The following NKAIN2 variants were observed in gnomAD, a reference collection of about 807,000 sequenced individuals.
NKAIN2 encodes the protein sodium/potassium transporting ATPase interacting 2, also known as sodium/potassium-transporting ATPase subunit beta-1-interacting protein 2.
A neutral mutation model predicts 32.6 loss-of-function variants in NKAIN2; 14 were observed. That is an observed-to-expected ratio of 0.43 (90% CI 0.28 to 0.67). NKAIN2 has a LOEUF of 0.67. NKAIN2 is among the 30% of genes least tolerant of loss of function. The pLI, the probability that NKAIN2 is intolerant of heterozygous loss-of-function variation, is 0.17. For missense variants in NKAIN2, 198 were observed against 258.3 expected, an observed-to-expected ratio of 0.77 and a Z score of 1.60; for synonymous variants, 80 against 87.2, an observed-to-expected ratio of 0.92 and a Z score of 0.46.
intron 2 of NKAIN2, among the ~76,000 whole-genome samples, chr6:124,331,560 T>C (rs1050204738): frequency 9.3e-5 from 14 of 150,776 alleles, no homozygotes; most frequent in African/African-American, 3.2e-4. Context: ...ATCATTTCCC[T>C]GTGAAGATGA....
chr6:124,525,918 C>T (rs1375806530), intron 3 of NKAIN2, among the ~76,000 whole-genome samples: 1 of 152,104 alleles, frequency 6.6e-6, no homozygotes, highest in Non-Finnish European at 1.5e-5. Flanking sequence ...ACTTACCAAG[C>T]TTCATATCAG....
At chr6:124,421,381 A>T (rs939857905) in intron 3 of NKAIN2, among the ~76,000 whole-genome samples, 3 of 152,282 alleles carry the variant, frequency 2.0e-5, no homozygotes, top group Middle Eastern at 3.4e-3. Context: ...ACACGTGGAG[A>T]TGACGTCTCA....
At chr6:124,379,132 A>AGAGGG (rs1175186223) in intron 3 of NKAIN2, among the ~76,000 whole-genome samples, 515 of 42,604 alleles carry the variant, frequency 0.012, 8 homozygotes, top group Non-Finnish European at 0.015. Context: ...GGAGGGGAGG[A>AGAGGG]GAGGGGAGGG....
Position 124,016,771 on chromosome 6 carries a change from AT to A in NKAIN2, c.54+212527del, listed in dbSNP as rs1016005108. Among the ~76,000 whole-genome samples the A allele has an allele frequency of 2.5e-3, 378 of 150,392 alleles. 1 individual carries two copies. Among genetic ancestry groups the A allele is most frequent in the Middle Eastern group, 6.8e-3 (2 of 294 alleles). On this transcript the variant is annotated intron_variant, in intron 1 of 6. Coordinates refer to ENST00000368417, the MANE Select transcript of NKAIN2 (RefSeq NM_001040214.3). Reference sequence around the variant, plus strand: ...TAACAGCTGTGTGAGGTTGTTTTCAATTTTTTTTTTCTATTTTACAAATTAA... The same window carrying A: ...TAACAGCTGTGTGAGGTTGTTTTCAATTTTTTTTTCTATTTTACAAATTAA...
At chr6:124,782,364 A>G (rs1779309553) in intron 4 of NKAIN2, among the ~76,000 whole-genome samples, 1 of 152,112 alleles carries the variant, frequency 6.6e-6, no homozygotes, top group African/African-American at 2.4e-5. Context: ...TTATCTTCCA[A>G]TCTAGTACCT....
chr6:124,312,555 A>C (rs572670837), intron 2 of NKAIN2, among the ~76,000 whole-genome samples: 1 of 152,174 alleles, frequency 6.6e-6, no homozygotes, highest in Non-Finnish European at 1.5e-5. Context: ...AGAGATGCAA[A>C]AGGCAGGGTG....
At chr6:124,350,594 C>T (rs1441513972) in intron 2 of NKAIN2, among the ~76,000 whole-genome samples, 3 of 152,096 alleles carry the variant, frequency 2.0e-5, no homozygotes, top group Non-Finnish European at 4.4e-5. Context: ...TTTCTATGTT[C>T]ATTAAAGGGG....
intron 1 of NKAIN2, among the ~76,000 whole-genome samples, chr6:123,891,036 A>C (rs1044060328): frequency 6.6e-6 from 1 of 152,186 alleles, no homozygotes; most frequent in South Asian, 2.1e-4. Context: ...ATTTTCTTAC[A>C]TGCTACAACA....
intron 1 of NKAIN2, among the ~76,000 whole-genome samples, chr6:124,241,713 G>T (rs745411590): frequency 2.0e-5 from 3 of 151,904 alleles, no homozygotes; most frequent in African/African-American, 4.8e-5. Context: ...TTTCATTCTC[G>T]TGTTTCCTAT....
chr6:124,706,108 G>C (rs960232902), intron 4 of NKAIN2, among the ~76,000 whole-genome samples: 7 of 152,044 alleles, frequency 4.6e-5, no homozygotes, highest in Non-Finnish European at 1.0e-4. Context: ...AACCACATTT[G>C]GTTTTTCCAT....
intron 3 of NKAIN2, among the ~76,000 whole-genome samples, chr6:124,543,208 G>A (rs1050433994): frequency 6.6e-5 from 10 of 152,108 alleles, no homozygotes; most frequent in Admixed American, 1.3e-4. Flanking sequence ...AAAAAATGTG[G>A]TTGATGTTTT....
chr6:124,637,140 C>T (rs1276019881), intron 3 of NKAIN2, among the ~76,000 whole-genome samples: 1 of 151,994 alleles, frequency 6.6e-6, no homozygotes, highest in Non-Finnish European at 1.5e-5. Context: ...ACAAGAACCA[C>T]GCGATTCTCT....
intron 1 of NKAIN2, among the ~76,000 whole-genome samples, chr6:124,106,270 C>T (rs914749767): frequency 1.3e-5 from 2 of 152,048 alleles, no homozygotes; most frequent in Non-Finnish European, 2.9e-5. Context: ...TTGGTGGCTT[C>T]TATTAGCAGT....
At chr6:124,469,879 T>C (rs941102559) in intron 3 of NKAIN2, among the ~76,000 whole-genome samples, 2 of 152,176 alleles carry the variant, frequency 1.3e-5, no homozygotes, top group African/African-American at 2.4e-5. Flanking sequence ...TCACCTCTTC[T>C]TATCTTCCTG....
At chr6:124,215,894 G>T (rs1791452421) in intron 1 of NKAIN2, among the ~76,000 whole-genome samples, 2 of 152,050 alleles carry the variant, frequency 1.3e-5, no homozygotes, top group African/African-American at 4.8e-5. Flanking sequence ...GAGGCGGGTG[G>T]ATCACCTGAG....
intron 4 of NKAIN2, among the ~76,000 whole-genome samples, chr6:124,737,007 A>G (rs1031337533): frequency 6.6e-6 from 1 of 151,880 alleles, no homozygotes; most frequent in African/African-American, 2.4e-5. Flanking sequence ...GCAAATGAAG[A>G]TTTTCCTTTT....
chr6:124,263,363 A>G (rs201129288), intron 1 of NKAIN2, among the ~76,000 whole-genome samples: 1 of 152,190 alleles, frequency 6.6e-6, no homozygotes, highest in East Asian at 1.9e-4. Flanking sequence ...GTATAACTGA[A>G]GCAACCACAG....
At chr6:124,090,380 C>A (rs192507245) in intron 1 of NKAIN2, among the ~76,000 whole-genome samples, 1 of 151,822 alleles carries the variant, frequency 6.6e-6, no homozygotes, top group Non-Finnish European at 1.5e-5. Flanking sequence ...TGTGGGTTGG[C>A]GGTGGGGAGT....
intron 3 of NKAIN2, among the ~76,000 whole-genome samples, chr6:124,629,449 T>C (rs1783478921): frequency 1.3e-5 from 2 of 152,086 alleles, no homozygotes; most frequent in South Asian, 4.1e-4. Context: ...CTATTTCCCA[T>C]CTAAAATTAG....
Sources: gnomAD v4.1 joint callset for allele counts (sites outside exome capture counted in the v4.1 genomes callset) on GRCh38, gnomAD v4.1.1 for gene constraint, MANE v1.5 for transcripts, NCBI Gene and HGNC (gene_info 2026-07-23, HGNC 2026-07-21) for gene names.